Variants in MICALL2 observed in about 807,000 individuals in gnomAD.
MICALL2 encodes MICAL-like protein 2.
MICALL2 carries 111 observed loss-of-function variants against 91.1 expected under a neutral mutation model. The observed-to-expected ratio is 1.22, with a 90% confidence interval of 1.04 to 1.43. The LOEUF (loss-of-function observed/expected upper bound fraction) is 1.43. Ranked by LOEUF, MICALL2 falls within the 40% of genes most tolerant of loss-of-function variation. MICALL2 has a pLI of 0.00. For synonymous variants in MICALL2, 694 were observed against 525.3 expected, an observed-to-expected ratio of 1.32 and a Z score of -4.39; for missense variants, 1,556 against 1,236.0, an observed-to-expected ratio of 1.26 and a Z score of -3.88.
chr7:1,439,351 T>A, intron 9 of MICALL2: 2 of 255,522 alleles, frequency 7.8e-6, no homozygotes, highest in Non-Finnish European at 1.5e-5. Context: ...CACACATGCA[T>A]CACATTCATG....
chr7:1,437,473 G>C, intron 14 of MICALL2, 62 bp downstream of exon 14: 1 of 1,420,270 alleles, frequency 7.0e-7, no homozygotes, highest in Non-Finnish European at 9.3e-7. Flanking sequence ...CCGGCCCCCA[G>C]ACATCCTGGG....
chr7:1,445,317 C>T lies in MICALL2; in HGVS notation c.753G>A (p.Lys251=), dbSNP rs761229866. 4.3e-6 allele frequency: 7 copies of T among 1,611,070 alleles called. No individual in the cohort carries two copies. The Admixed American group carries it at 5.0e-5, about 12-fold the overall frequency. The change falls in exon 6 of 17, where the codon AAG becomes AAA. Residue 251 remains lysine (K), a synonymous_variant. Coordinates refer to ENST00000297508, the MANE Select transcript of MICALL2 (RefSeq NM_182924.4). ...HLPAAASASP[K]LTGLVPRQPG... The stretch of plus-strand genomic sequence containing the variant: ...GCTGTCGGGGGACCAGACCCGTCAA[C>T]TTGGGGCTTGCAGAGGCGGCTGCGG...
rs1288450505 is a variant in MICALL2 at position 1,447,573 on chromosome 7, A to C, written c.525+2T>G. The C allele has an allele frequency of 1.3e-6, 2 of 1,527,244 alleles. No homozygotes were observed. Among genetic ancestry groups the C allele is most frequent in the Non-Finnish European group, 1.8e-6 (2 of 1,131,466 alleles). The allele number at this position is 1,527,244 out of a possible 1,614,324, so 94.6% of individuals were successfully genotyped here. A position where few individuals can be genotyped will look rare whatever the true frequency, so the allele number is the denominator to read the frequency against. ...CAGGGGGAGGGTGGGGTGGGAGCTT[A>C]CAGTCTTGGGGGGCGGGCCCCCTGC... On this transcript the variant is annotated splice_donor_variant, in intron 4 of 16. Coordinates refer to ENST00000297508, the MANE Select transcript of MICALL2 (RefSeq NM_182924.4). LOFTEE classifies it high-confidence loss of function.
chr7:1,448,503 G>T lies in MICALL2; in HGVS notation c.334+117C>A. 7 of 941,520 alleles carry T rather than the reference G, an allele frequency of 7.4e-6. No homozygotes were observed. The South Asian group carries it at 8.5e-5, about 11-fold the overall frequency. The allele number at this position is 941,520 out of a possible 1,614,324, so 58.3% of individuals were successfully genotyped here. A position where few individuals can be genotyped will look rare whatever the true frequency, so the allele number is the denominator to read the frequency against. ...TGCACAGCCCCGGTGCCCATGCCAG[G>T]GGCCATTCTTGGGGGGGGGGCTGGG... On this transcript the variant is annotated intron_variant, in intron 3 of 16. Transcript: ENST00000297508.
At position 1,452,013 on chromosome 7, in the gene MICALL2, A is replaced by G. The variant is rs1311791937; in HGVS notation, c.144-1725T>C. ...GTGGGATGGGGGCTGCAGGCTGCCCACCTCTCTCCTTAGGAAGCCCCCGCC... is the reference window on the plus strand; with the variant it reads ...GTGGGATGGGGGCTGCAGGCTGCCCGCCTCTCTCCTTAGGAAGCCCCCGCC... On this transcript the variant is annotated intron_variant, in intron 1 of 16. Transcript: ENST00000297508. The surrounding 1 kb of genome is among the most constrained non-coding windows in gnomAD (Gnocchi z 6.2). 1.3e-5 allele frequency among the ~76,000 whole-genome samples: 2 copies of G among 151,892 alleles called. No homozygotes were observed. The highest frequency in any genetic ancestry group is 2.9e-5 in the Non-Finnish European group (2 of 67,920).
chr7:1,448,502 G>A (rs933926890), intron 3 of MICALL2, 118 bp downstream of exon 3: 23 of 935,452 alleles, frequency 2.5e-5, no homozygotes, highest in South Asian at 4.3e-5. Context: ...GCCCATGCCA[G>A]GGGCCATTCT....
chr7:1,438,290 C>G lies in MICALL2; in HGVS notation c.2186G>C (p.Arg729Thr). 6.3e-7 allele frequency: 1 copy of G among 1,598,254 alleles called. No individual in the cohort carries two copies. Among genetic ancestry groups the G allele is most frequent in the South Asian group, 1.1e-5 (1 of 88,624 alleles). Reference protein sequence around the residue: ...LPGETVTSPVRLHPDYLSPEE... With the variant: ...LPGETVTSPVTLHPDYLSPEE... The stretch of plus-strand genomic sequence containing the variant: ...GCCCGGCTCCCCACCACTACTCACC[C>G]TGACTGGGGAGGTCACCGTCTCGCC... Residue 729 changes from arginine to threonine, a missense_variant and splice_region_variant, in exon 11 of 17, where the codon AGG (arginine) becomes ACG (threonine). Transcript: ENST00000297508.
intron 5 of MICALL2, 96 bp downstream of exon 5, chr7:1,446,617 G>C (rs546892803): frequency 1.9e-5 from 15 of 805,318 alleles, no homozygotes; most frequent in South Asian, 8.8e-5. Context: ...AACGAGGAGC[G>C]GGGAGGAGGA....
At chr7:1,438,041 G>A in intron 12 of MICALL2, 56 bp downstream of exon 12, 2 of 1,561,098 alleles carry the variant, frequency 1.3e-6, no homozygotes, top group South Asian at 1.2e-5. Flanking sequence ...CCCAGCCCCA[G>A]GACTGAGGGT....
At chr7:1,437,494 T>A in intron 14 of MICALL2, 41 bp downstream of exon 14, 1 of 1,493,864 alleles carries the variant, frequency 6.7e-7, no homozygotes, top group Non-Finnish European at 8.9e-7. Context: ...CTCCGCGGCA[T>A]CCCTGGCTGG....
intron 1 of MICALL2, among the ~76,000 whole-genome samples, chr7:1,456,627 A>G (rs1456532814): frequency 6.6e-6 from 1 of 151,830 alleles, no homozygotes; most frequent in Non-Finnish European, 1.5e-5. Flanking sequence ...ATTAAATTAA[A>G]AATAAGAAAA....
intron 7 of MICALL2, chr7:1,440,956 A>C: frequency 2.1e-6 from 1 of 470,852 alleles, no homozygotes; most frequent in Non-Finnish European, 3.9e-6. Context: ...GGGACGTGGC[A>C]GGGTGAGCCC....
At chr7:1,457,167 G>T (rs547968508) in intron 1 of MICALL2, among the ~76,000 whole-genome samples, 1 of 152,246 alleles carries the variant, frequency 6.6e-6, no homozygotes, top group East Asian at 1.9e-4. Context: ...CTGCACGTGG[G>T]CACCTACTAA....
At chr7:1,455,803 T>C (rs1488308805) in intron 1 of MICALL2, among the ~76,000 whole-genome samples, 1 of 151,984 alleles carries the variant, frequency 6.6e-6, no homozygotes, top group Non-Finnish European at 1.5e-5. Context: ...AAGGACTTCC[T>C]GGTGGCAGAG....
chr7:1,438,078 G>A lies in MICALL2; in HGVS notation c.2311+19C>T, dbSNP rs1450030094. 1.5e-5 allele frequency: 24 copies of A among 1,570,918 alleles called. No individual in the cohort carries two copies. The highest frequency in any genetic ancestry group is 1.9e-5 in the Non-Finnish European group (22 of 1,159,624). ...TCTGTGGGAGTCGGGCTGGCCCAGG[G>A]CCAGGCCGAGGCGCTCACCTCCCTC... On this transcript the variant is annotated intron_variant, in intron 12 of 16. Coordinates refer to ENST00000297508, the MANE Select transcript of MICALL2 (RefSeq NM_182924.4).
intron 6 of MICALL2, among the ~76,000 whole-genome samples, chr7:1,443,717 G>A (rs546924659): frequency 1.4e-4 from 21 of 152,314 alleles, no homozygotes; most frequent in African/African-American, 4.8e-4. Flanking sequence ...GCTCAGAGCC[G>A]CTGGGAGCTG....
chr7:1,441,924 GCTGGGCTGCAGGCACCTGCAGGA>G (rs1211658287), intron 7 of MICALL2: 1 of 535,908 alleles, frequency 1.9e-6, no homozygotes, highest in Non-Finnish European at 3.3e-6. Flanking sequence ...ACGCTGCAGG[GCTGGGCTGCAGGCACCTGCAGGA>G]CGTGCGGATG....
intron 15 of MICALL2, among the ~76,000 whole-genome samples, chr7:1,436,117 C>T (rs757324146): frequency 6.6e-6 from 1 of 151,622 alleles, no homozygotes; most frequent in African/African-American, 2.4e-5. Context: ...CGGCCAGTTA[C>T]GGTGGCTCAT....
At chr7:1,434,734 A>G (rs1779882293) in intron 16 of MICALL2, 62 bp from the exon 17 acceptor site, 64 of 1,462,194 alleles carry the variant, frequency 4.4e-5, no homozygotes, top group Non-Finnish European at 5.8e-5. Context: ...CGTGGCCCAC[A>G]CAAGTCCCCC....
Sources: gnomAD v4.1 joint callset for allele counts (sites outside exome capture counted in the v4.1 genomes callset) on GRCh38, gnomAD v4.1.1 for gene constraint, Gnocchi (gnomAD v3.1) non-coding constraint, MANE v1.5 for transcripts, NCBI Gene and HGNC (gene_info 2026-07-23, HGNC 2026-07-21) for gene names.